Variants in LMBRD2 observed in about 807,000 individuals in gnomAD.
The protein encoded by LMBRD2 is LMBR1 domain containing 2.
Under a neutral mutation model 94.4 loss-of-function variants are expected in LMBRD2, and 55 were observed. The ratio of observed to expected loss-of-function variants is 0.58; its 90% confidence interval spans 0.47 to 0.73. The LOEUF is 0.73. Among genes scored for constraint, LMBRD2 ranks in the 30% least tolerant of loss-of-function variants. The pLI, the probability that LMBRD2 is intolerant of heterozygous loss-of-function variation, is 0.00. For missense variants in LMBRD2, 640 were observed against 831.9 expected (o/e 0.77, Z 2.84); for synonymous variants, 246 against 272.4 (o/e 0.90, Z 0.95).
intron 6 of LMBRD2, 152 bp from the exon 7 acceptor site, chr5:36,124,417 A>G: frequency 2.0e-6 from 1 of 502,708 alleles, no homozygotes; most frequent in Non-Finnish European, 3.6e-6. Flanking sequence ...TAAGAACACA[A>G]GTAAAAATAC....
At chr5:36,129,068 CA>C (rs1484264631) in intron 6 of LMBRD2, among the ~76,000 whole-genome samples, 3 of 151,360 alleles carry the variant, frequency 2.0e-5, no homozygotes, top group Non-Finnish European at 2.9e-5. Context: ...TTAGAGGAGA[CA>C]AAAAATAATA....
intron 15 of LMBRD2, 89 bp downstream of exon 15, chr5:36,109,856 C>T: frequency 3.1e-6 from 3 of 957,936 alleles, no homozygotes; most frequent in Admixed American, 4.6e-5. Context: ...TTTTTTCTGT[C>T]TTTAGCTAAT....
In LMBRD2 at chr5:36,141,502, G is replaced by C. The variant is rs10512648; in HGVS notation, c.273-300C>G. ...AATGTTCAACTAATAGACTAAAAGT[G>C]CAACAATCATTAAAAGCAAATGTAT... On this transcript the variant is annotated intron_variant, in intron 3 of 17. Transcript: ENST00000296603. Among the ~76,000 whole-genome samples the C allele has an allele frequency of 8.4e-3, 1,264 of 151,256 alleles. 59 individuals are homozygous for C. The East Asian group carries it at 0.12, about 14-fold the overall frequency.
chr5:36,146,857 A>G (rs1561525275), intron 1 of LMBRD2, among the ~76,000 whole-genome samples: 1 of 152,224 alleles, frequency 6.6e-6, no homozygotes. Flanking sequence ...GTACATATAC[A>G]GTGAAATAAT....
intron 16 of LMBRD2, among the ~76,000 whole-genome samples, chr5:36,108,040 C>T (rs1300798106): frequency 6.6e-6 from 1 of 152,076 alleles, no homozygotes; most frequent in Non-Finnish European, 1.5e-5. Context: ...CCTAACCCAC[C>T]CTGGTAGCAG....
intron 11 of LMBRD2, among the ~76,000 whole-genome samples, chr5:36,115,678 G>A (rs1439530441): frequency 6.6e-6 from 1 of 151,862 alleles, no homozygotes; most frequent in African/African-American, 2.4e-5. Context: ...TGATAGAACT[G>A]TTCTGAATCC....
rs537590820 is a variant in LMBRD2 at position 36,105,306 on chromosome 5, C to T, written c.1898-109G>A. Reference sequence around the variant, plus strand: ...ATCAAAATTCCAAGGAATCTGAAGACAAAGAACATAAGAAAAGATAACTAC... The same window carrying T: ...ATCAAAATTCCAAGGAATCTGAAGATAAAGAACATAAGAAAAGATAACTAC... On this transcript the variant is annotated intron_variant, in intron 16 of 17. Transcript: ENST00000296603. The T allele has an allele frequency of 5.4e-6, 5 of 934,322 alleles. No homozygotes were observed. In the African/African-American group the frequency reaches 8.3e-5, roughly 16 times the overall value. The allele number at this position is 934,322 out of a possible 1,614,324, so 57.9% of individuals were successfully genotyped here.
chr5:36,124,646 C>G (rs1272153722), intron 6 of LMBRD2, among the ~76,000 whole-genome samples: 1 of 152,090 alleles, frequency 6.6e-6, no homozygotes, highest in African/African-American at 2.4e-5. Context: ...AGTGAAAAAC[C>G]AGAGGAAGCA....
intron 6 of LMBRD2, among the ~76,000 whole-genome samples, chr5:36,127,980 T>C (rs1182635824): frequency 6.6e-6 from 1 of 152,148 alleles, no homozygotes; most frequent in Non-Finnish European, 1.5e-5. Flanking sequence ...CAGGTCTAAC[T>C]CAGTGCAGTC....
chr5:36,129,381 C>A (rs777052750), intron 6 of LMBRD2, among the ~76,000 whole-genome samples: 6 of 151,792 alleles, frequency 4.0e-5, no homozygotes, highest in Non-Finnish European at 5.9e-5. Flanking sequence ...AAACAAATAA[C>A]ACACAATGGA....
intron 16 of LMBRD2, 50 bp downstream of exon 16, chr5:36,108,484 G>T: frequency 2.2e-6 from 2 of 927,508 alleles, no homozygotes; most frequent in South Asian, 1.6e-5. Flanking sequence ...CTCTATGCAA[G>T]AAAGCATAAG....
At chr5:36,145,448 A>T (rs1744514972) in intron 1 of LMBRD2, among the ~76,000 whole-genome samples, 1 of 152,208 alleles carries the variant, frequency 6.6e-6, no homozygotes, top group Non-Finnish European at 1.5e-5. Context: ...CTGGTCTCGA[A>T]CTCCTGAGCT....
chr5:36,143,434 C>T, intron 1 of LMBRD2, 28 bp from the exon 2 acceptor site: 2 of 920,740 alleles, frequency 2.2e-6, no homozygotes, highest in Non-Finnish European at 3.2e-6. Context: ...GGTTAAAATG[C>T]ATCATTAACA....
At chr5:36,115,441 A>G (rs1743717337) in intron 11 of LMBRD2, among the ~76,000 whole-genome samples, 1 of 152,210 alleles carries the variant, frequency 6.6e-6, no homozygotes, top group Non-Finnish European at 1.5e-5. Flanking sequence ...TCCATCTCAC[A>G]GCATGACAAG....
Position 36,151,061 on chromosome 5 carries a change from C to G in LMBRD2, c.-58+495G>C, listed in dbSNP as rs1744692268. 6.6e-6 allele frequency among the ~76,000 whole-genome samples: 1 copy of G among 152,132 alleles called. No homozygotes were observed. Among genetic ancestry groups the G allele is most frequent in the African/African-American group, 2.4e-5 (1 of 41,410 alleles). On this transcript the variant is annotated intron_variant, in intron 1 of 17. Transcript: ENST00000296603. The surrounding 1 kb of genome is among the most constrained non-coding windows in gnomAD (Gnocchi z 4.7). ...GGGTCACAGTTGTAGTATAGTTTGC[C>G]CAATGGATTTCGCATGGTCATTGTA...
At position 36,151,670 on chromosome 5, in the gene LMBRD2, G is replaced by A. The variant is rs1744717876; in HGVS notation, c.-172C>T. 6.4e-6 allele frequency: 1 copy of A among 155,088 alleles called. No homozygotes were observed. Among genetic ancestry groups the A allele is most frequent in the South Asian group, 1.9e-4 (1 of 5,396 alleles). 9.6% of individuals were successfully genotyped at this position (155,088 alleles called of 1,614,324 possible). A position where few individuals can be genotyped will look rare whatever the true frequency, so the allele number is the denominator to read the frequency against. ...CTCTTTCCGCCTGCTCTCGGCCCCG[G>A]ACCCCAGACTCAAAAGCGCCTCACG... On this transcript the variant is annotated 5_prime_UTR_variant, in exon 1 of 18. Transcript: ENST00000296603. This position sits in a 1 kb window ranked among gnomAD's most constrained non-coding sequence, Gnocchi z 4.7.
At chr5:36,148,053 C>T in intron 1 of LMBRD2, 2 of 183,664 alleles carry the variant, frequency 1.1e-5, no homozygotes, top group South Asian at 2.1e-4. Context: ...GGAGACAACT[C>T]AAAATCCTAA....
chr5:36,117,309 C>T (rs966983494), intron 10 of LMBRD2, among the ~76,000 whole-genome samples: 5 of 152,140 alleles, frequency 3.3e-5, no homozygotes, highest in African/African-American at 1.2e-4. Flanking sequence ...AAAATCCTGA[C>T]TCTACAAAAA....
rs377386063 is a variant in LMBRD2, at chr5:36,111,150, C to T, written c.1744+5G>A. The T allele has an allele frequency of 1.3e-6, 2 of 1,539,216 alleles. No individual in the cohort carries two copies. Among genetic ancestry groups the T allele is most frequent in the African/African-American group, 1.4e-5 (1 of 73,000 alleles). On this transcript the variant is annotated splice_donor_5th_base_variant and intron_variant, in intron 14 of 17. Transcript: ENST00000296603. The stretch of plus-strand genomic sequence containing the variant: ...CCTTCATTTATTTTAAAAGACAAAT[C>T]TTACCTTTTCTGATTAATTCTTTTC...
Sources: gnomAD v4.1 joint callset for allele counts (sites outside exome capture counted in the v4.1 genomes callset) on GRCh38, gnomAD v4.1.1 for gene constraint, Gnocchi (gnomAD v3.1) non-coding constraint, MANE v1.5 for transcripts, NCBI Gene and HGNC (gene_info 2026-07-23, HGNC 2026-07-21) for gene names.